The following CASQ2 variants were observed in gnomAD, a reference collection of about 807,000 sequenced individuals.
The protein encoded by CASQ2 is calsequestrin 2, also known as calsequestrin-2.
A neutral mutation model predicts 46.5 loss-of-function variants in CASQ2; 49 were observed. The observed-to-expected ratio is 1.05, with a 90% CI of 0.84 to 1.34. The LOEUF (loss-of-function observed/expected upper bound fraction) is 1.34, where lower values mean the gene tolerates loss of function less well. Ranked by LOEUF, CASQ2 falls within the 40% of genes most tolerant of loss-of-function variation. The pLI is 0.00. For missense variants in CASQ2, 486 were observed against 481.3 expected, an observed-to-expected ratio of 1.01 and a Z score of -0.09; for synonymous variants, 174 against 168.5, an observed-to-expected ratio of 1.03 and a Z score of -0.25.
intron 8 of CASQ2, among the ~76,000 whole-genome samples, chr1:115,716,612 G>A (rs907563710): frequency 6.6e-6 from 1 of 152,132 alleles, no homozygotes; most frequent in Non-Finnish European, 1.5e-5. Context: ...AGTGCCCAGT[G>A]TACCTTTCTA....
chr1:115,768,677 A>T lies in CASQ2; in HGVS notation c.-136T>A. ...CTCTTCTTTGCCCTTCCTGGGGCTGAAAAGTGACTCTTCACCTCCTTGGGT... is the reference window on the plus strand; with the variant it reads ...CTCTTCTTTGCCCTTCCTGGGGCTGTAAAGTGACTCTTCACCTCCTTGGGT... On this transcript the variant is annotated 5_prime_UTR_variant, in exon 1 of 11. Coordinates refer to ENST00000261448, the MANE Select transcript of CASQ2 (RefSeq NM_001232.4). 4.4e-6 allele frequency: 3 copies of T among 687,106 alleles called. No homozygotes were observed. The highest frequency in any genetic ancestry group is 7.7e-6 in the Non-Finnish European group (3 of 387,586). 42.6% of individuals were successfully genotyped at this position (687,106 alleles called of 1,614,324 possible).
At chr1:115,708,792 T>G (rs1412091815) in intron 8 of CASQ2, among the ~76,000 whole-genome samples, 1 of 152,226 alleles carries the variant, frequency 6.6e-6, no homozygotes, top group East Asian at 1.9e-4. Flanking sequence ...TTCAGTGATC[T>G]GGGCACTGGG....
At chr1:115,711,932 G>A (rs10923249) in intron 8 of CASQ2, among the ~76,000 whole-genome samples, 5 of 151,922 alleles carry the variant, frequency 3.3e-5, no homozygotes, top group Non-Finnish European at 5.9e-5. Context: ...GATTACAGGC[G>A]TAAGGGTTTT....
intron 7 of CASQ2, among the ~76,000 whole-genome samples, chr1:115,725,056 G>A (rs1647529429): frequency 6.6e-6 from 1 of 152,030 alleles, no homozygotes; most frequent in Admixed American, 6.6e-5. Context: ...AGTTGTCCAT[G>A]TTTTTGTTTT....
chr1:115,718,673 G>C (rs1647258618), intron 7 of CASQ2, among the ~76,000 whole-genome samples: 1 of 152,174 alleles, frequency 6.6e-6, no homozygotes, highest in South Asian at 2.1e-4. Context: ...GTGTGCGATT[G>C]AGAAAAGTGG....
intron 2 of CASQ2, among the ~76,000 whole-genome samples, chr1:115,744,412 G>T (rs1254053835): frequency 6.6e-6 from 1 of 152,176 alleles, no homozygotes; most frequent in Non-Finnish European, 1.5e-5. Context: ...TATTAATGCT[G>T]TCTTTTGTTG....
In CASQ2 at chr1:115,768,091, C is replaced by A. The variant is rs538793713; in HGVS notation, c.234+217G>T. Among the ~76,000 whole-genome samples the A allele has an allele frequency of 3.9e-5, 6 of 152,314 alleles. No homozygotes were observed. The East Asian group carries it at 7.7e-4, about 20-fold the overall frequency. ...ACATCAGACCCATCGTAGTGTAGCACGTTTGGTCCTCTTCATTTGAAGAGT... is the reference window on the plus strand; with the variant it reads ...ACATCAGACCCATCGTAGTGTAGCAAGTTTGGTCCTCTTCATTTGAAGAGT... On this transcript the variant is annotated intron_variant, in intron 1 of 10. Coordinates refer to ENST00000261448, the MANE Select transcript of CASQ2 (RefSeq NM_001232.4).
At chr1:115,710,003 G>T (rs2101060799) in intron 8 of CASQ2, among the ~76,000 whole-genome samples, 1 of 151,614 alleles carries the variant, frequency 6.6e-6, no homozygotes, top group Middle Eastern at 3.4e-3. Flanking sequence ...CCACCATGCA[G>T]TTAATTTTTT....
intron 1 of CASQ2, among the ~76,000 whole-genome samples, chr1:115,760,740 A>C (rs1286031010): frequency 6.6e-6 from 1 of 152,196 alleles, no homozygotes; most frequent in Admixed American, 6.5e-5. Context: ...AAAACTCCTT[A>C]TGTGGTTCTA....
Position 115,727,110 on chromosome 1 carries a change from AT to A in CASQ2, c.618del (p.Lys206AsnfsTer4), listed in dbSNP as rs773905718. ...FATFDKGVAKKLSLKMNEVDF... is the reference protein window; with the variant it reads ...FATFDKGVAKXLSLKMNEVDF... ...TCAACCTCATTCATCTTCAAAGATA[AT>A]TTCTTTGCAACCTGTAACCATTAGA... On this transcript the variant is annotated frameshift_variant, in exon 6 of 11. Transcript: ENST00000261448. LOFTEE classifies it high-confidence loss of function. 6.2e-7 allele frequency: 1 copy of A among 1,611,976 alleles called. No homozygotes were observed. The highest frequency in any genetic ancestry group is 8.5e-7 in the Non-Finnish European group (1 of 1,178,262).
At chr1:115,736,139 G>T (rs1647950138) in intron 4 of CASQ2, among the ~76,000 whole-genome samples, 1 of 149,978 alleles carries the variant, frequency 6.7e-6, no homozygotes, top group Non-Finnish European at 1.5e-5. Context: ...CTCCAGCCTG[G>T]GCAACACGAG....
chr1:115,727,142 GA>G lies in CASQ2; in HGVS notation c.607-21del. ...TGCAACCTGTAACCATTAGAAATAA[GA>G]CAAAGTTTATTTGAATACTAGTCTA... On this transcript the variant is annotated intron_variant, in intron 5 of 10. Transcript: ENST00000261448. 3 of 1,586,938 alleles carry G rather than the reference GA, an allele frequency of 1.9e-6. No individual in the cohort carries two copies. The highest frequency in any genetic ancestry group is 2.6e-6 in the Non-Finnish European group (3 of 1,156,108).
At chr1:115,710,962 G>A (rs1273270080) in intron 8 of CASQ2, among the ~76,000 whole-genome samples, 9 of 152,138 alleles carry the variant, frequency 5.9e-5, no homozygotes, top group African/African-American at 9.7e-5. Flanking sequence ...CCTTCACCAA[G>A]CCCTAGGGGA....
chr1:115,745,900 T>C (rs1397943999), intron 1 of CASQ2, among the ~76,000 whole-genome samples: 4 of 152,224 alleles, frequency 2.6e-5, no homozygotes, highest in African/African-American at 9.6e-5. Context: ...GATATTAACA[T>C]TGATACAGTT....
chr1:115,734,981 AATGTATAAACTTT>A (rs1209219441), intron 4 of CASQ2, among the ~76,000 whole-genome samples: 1 of 152,230 alleles, frequency 6.6e-6, no homozygotes, highest in Non-Finnish European at 1.5e-5. Flanking sequence ...TACACAATTA[AATGTATAAACTTT>A]ATAGTGTATG....
chr1:115,757,707 C>T (rs992785564), intron 1 of CASQ2, among the ~76,000 whole-genome samples: 2 of 151,970 alleles, frequency 1.3e-5, no homozygotes, highest in African/African-American at 2.4e-5. Context: ...GCTAAGAATC[C>T]CATGGCTTAA....
intron 4 of CASQ2, among the ~76,000 whole-genome samples, chr1:115,736,946 C>A (rs1403920219): frequency 6.6e-6 from 1 of 152,120 alleles, no homozygotes; most frequent in Non-Finnish European, 1.5e-5. Context: ...CATGATGATT[C>A]GTCTAGGCGG....
chr1:115,732,518 T>C (rs770622938), intron 5 of CASQ2, among the ~76,000 whole-genome samples: 1 of 152,104 alleles, frequency 6.6e-6, no homozygotes, highest in South Asian at 2.1e-4. Flanking sequence ...CCCATTCTAC[T>C]TCCCATCCTG....
rs1396184953 is a variant in CASQ2 at position 115,768,394 on chromosome 1, C to T, written c.148G>A (p.Asp50Asn). Residue 50 changes from aspartate (D) to asparagine (N), a missense_variant, in exon 1 of 11, where the codon GAC (aspartate) becomes AAC (asparagine). Physicochemically the swap from Asp to Asn is conservative, Grantham distance 23. Coordinates refer to ENST00000261448, the MANE Select transcript of CASQ2 (RefSeq NM_001232.4). ...KNFKQVLKKY[D>N]LLCLYYHEPV... ...TCATGGTAGTAGAGGCAAAGCAAGT[C>T]ATATTTCTTTAAAACCTGCTTGAAG... 6 of 1,613,978 alleles carry T rather than the reference C, an allele frequency of 3.7e-6. No homozygotes were observed. The Admixed American group carries it at 6.7e-5, about 18-fold the overall frequency.
Sources: gnomAD v4.1 joint callset for allele counts (sites outside exome capture counted in the v4.1 genomes callset) on GRCh38, gnomAD v4.1.1 for gene constraint, MANE v1.5 for transcripts, NCBI Gene and HGNC (gene_info 2026-07-23, HGNC 2026-07-21) for gene names.